PRPSAP2: variants seen among roughly 807,000 people sequenced by gnomAD.
PRPSAP2 encodes phosphoribosyl pyrophosphate synthetase associated protein 2, also known as phosphoribosyl pyrophosphate synthase-associated protein 2.
Under a neutral mutation model 40.6 loss-of-function variants are expected in PRPSAP2, and 24 were observed. That is an observed-to-expected ratio of 0.59 (90% confidence interval 0.43 to 0.83). The LOEUF (loss-of-function observed/expected upper bound fraction) is 0.83. Ranked by LOEUF, PRPSAP2 falls within the 40% of genes least tolerant of loss-of-function variation. PRPSAP2 has a pLI of 0.00. For synonymous variants in PRPSAP2, 149 were observed against 164.7 expected (o/e 0.90, Z 0.73); for missense variants, 292 against 465.6 (o/e 0.63, Z 3.43).
chr17:18,894,699 A>G (rs1475914241), intron 8 of PRPSAP2, among the ~76,000 whole-genome samples: 1 of 151,836 alleles, frequency 6.6e-6, no homozygotes, highest in Non-Finnish European at 1.5e-5. Context: ...TGGCCAGGCC[A>G]GTCTTGAACT....
intron 8 of PRPSAP2, among the ~76,000 whole-genome samples, chr17:18,896,093 T>C (rs1028157838): frequency 3.9e-5 from 6 of 152,196 alleles, no homozygotes; most frequent in Admixed American, 3.9e-4. Flanking sequence ...TTTGTTTGCA[T>C]GCCTTGTACA....
intron 8 of PRPSAP2, among the ~76,000 whole-genome samples, chr17:18,895,071 T>G (rs1282183777): frequency 6.8e-6 from 1 of 146,964 alleles, no homozygotes; most frequent in Non-Finnish European, 1.5e-5. Flanking sequence ...TTTCCCCATA[T>G]AGATGTGTAC....
intron 6 of PRPSAP2, 59 bp downstream of exon 6, chr17:18,877,929 C>T: frequency 6.7e-7 from 1 of 1,492,192 alleles, no homozygotes. Context: ...TTTATTTATT[C>T]TCTCTTTTTT....
chr17:18,863,291 A>C (rs1358817437), intron 1 of PRPSAP2, among the ~76,000 whole-genome samples: 2 of 151,790 alleles, frequency 1.3e-5, no homozygotes, highest in Non-Finnish European at 2.9e-5. Context: ...AGGTCTCACT[A>C]TGTAGCCGAG....
At chr17:18,861,242 A>AT (rs1181277913) in intron 1 of PRPSAP2, among the ~76,000 whole-genome samples, 1 of 152,146 alleles carries the variant, frequency 6.6e-6, no homozygotes, top group Non-Finnish European at 1.5e-5. Context: ...AGGCGGGTGG[A>AT]TTACCTGAGC....
At chr17:18,894,267 C>G (rs1051479584) in intron 8 of PRPSAP2, among the ~76,000 whole-genome samples, 15 of 151,898 alleles carry the variant, frequency 9.9e-5, no homozygotes, top group Non-Finnish European at 1.3e-4. Context: ...TCAAGTGATT[C>G]TCCTGCCTCA....
chr17:18,930,139 G>A (rs764924482), intron 11 of PRPSAP2, among the ~76,000 whole-genome samples: 2 of 152,192 alleles, frequency 1.3e-5, no homozygotes, highest in African/African-American at 2.4e-5. Flanking sequence ...TTGGGAGGCC[G>A]AGGCCGGTGG....
chr17:18,923,647 C>G (rs910775255), intron 9 of PRPSAP2, among the ~76,000 whole-genome samples: 2 of 152,176 alleles, frequency 1.3e-5, no homozygotes, highest in Admixed American at 6.5e-5. Context: ...TCTAATTACC[C>G]TTGCTAGAGT....
At chr17:18,908,199 G>T (rs2040720662) in intron 8 of PRPSAP2, 3 of 652,148 alleles carry the variant, frequency 4.6e-6, no homozygotes, top group Admixed American at 2.7e-5. Context: ...AGAAGCTCCT[G>T]CAAGAGGCCA....
chr17:18,902,269 G>GT (rs1737934894), intron 8 of PRPSAP2, among the ~76,000 whole-genome samples: 1 of 152,202 alleles, frequency 6.6e-6, no homozygotes, highest in Non-Finnish European at 1.5e-5. Flanking sequence ...TGTCAGTGAT[G>GT]TTTGTCATTC....
chr17:18,875,907 G>A (rs1424443631), intron 5 of PRPSAP2, among the ~76,000 whole-genome samples: 1 of 151,306 alleles, frequency 6.6e-6, no homozygotes, highest in Non-Finnish European at 1.5e-5. Context: ...CCCCAGGCGT[G>A]CAGATCACCT....
intron 8 of PRPSAP2, among the ~76,000 whole-genome samples, chr17:18,903,850 T>C (rs2040426947): frequency 6.6e-6 from 1 of 152,216 alleles, no homozygotes; most frequent in Non-Finnish European, 1.5e-5. Flanking sequence ...GTGATTTTCT[T>C]GTGTTCTAAT....
chr17:18,910,325 G>C (rs759602103), intron 8 of PRPSAP2, among the ~76,000 whole-genome samples: 1 of 152,164 alleles, frequency 6.6e-6, no homozygotes, highest in Non-Finnish European at 1.5e-5. Context: ...GAGAGGCTGA[G>C]GCAGGAGAAT....
At chr17:18,912,118 G>A (rs922344318) in intron 9 of PRPSAP2, among the ~76,000 whole-genome samples, 1 of 151,928 alleles carries the variant, frequency 6.6e-6, no homozygotes, top group Non-Finnish European at 1.5e-5. Flanking sequence ...GGAGACAGAG[G>A]TTGTGGTGAG....
intron 9 of PRPSAP2, among the ~76,000 whole-genome samples, chr17:18,914,726 G>GT (rs2041198174): frequency 7.1e-6 from 1 of 141,006 alleles, no homozygotes; most frequent in Non-Finnish European, 1.6e-5. Flanking sequence ...CTATTTCACT[G>GT]CCCTTTTTTT....
intron 10 of PRPSAP2, among the ~76,000 whole-genome samples, chr17:18,924,518 C>T (rs1001402918): frequency 6.6e-6 from 1 of 152,164 alleles, no homozygotes; most frequent in Non-Finnish European, 1.5e-5. Context: ...CCTGTAATCC[C>T]AGCACTTTGG....
chr17:18,920,200 T>C (rs1041736695), intron 9 of PRPSAP2, among the ~76,000 whole-genome samples: 2 of 152,190 alleles, frequency 1.3e-5, no homozygotes, highest in Admixed American at 6.6e-5. Flanking sequence ...TGTAAGCACA[T>C]GGGCTGTGAT....
At chr17:18,908,146 A>G (rs752604283) in intron 8 of PRPSAP2, 20 of 573,766 alleles carry the variant, frequency 3.5e-5, no homozygotes, top group Non-Finnish European at 4.7e-5. Context: ...GCGACAGAGC[A>G]AGACTCCATC....
At chr17:18,880,295 A>G (rs941612577) in intron 6 of PRPSAP2, among the ~76,000 whole-genome samples, 6 of 152,196 alleles carry the variant, frequency 3.9e-5, no homozygotes, top group African/African-American at 1.4e-4. Flanking sequence ...GTAATGCTTT[A>G]AACAATTTTT....
Sources: gnomAD v4.1 joint callset for allele counts (sites outside exome capture counted in the v4.1 genomes callset) on GRCh38, gnomAD v4.1.1 for gene constraint, MANE v1.5 for transcripts, NCBI Gene and HGNC (gene_info 2026-07-23, HGNC 2026-07-21) for gene names.